Variants in PREX2 observed in about 807,000 individuals in gnomAD.
PREX2 encodes phosphatidylinositol 3,4,5-trisphosphate-dependent Rac exchanger 2 protein.
Under a neutral mutation model 203.2 loss-of-function variants are expected in PREX2, and 107 were observed. The ratio of observed to expected loss-of-function variants is 0.53; its 90% confidence interval spans 0.45 to 0.62. PREX2 has a LOEUF of 0.62. Ranked by LOEUF, PREX2 falls within the 20% of genes least tolerant of loss-of-function variation. PREX2 has a pLI of 0.00. For missense variants in PREX2, 1,777 were observed against 1,955.9 expected, an observed-to-expected ratio of 0.91 and a Z score of 1.72; for synonymous variants, 672 against 663.6, an observed-to-expected ratio of 1.01 and a Z score of -0.19.
chr8:67,971,219 G>A (rs4737870), intron 1 of PREX2, among the ~76,000 whole-genome samples: 33,536 of 152,000 alleles, frequency 0.22, 4,788 homozygotes, highest in East Asian at 0.54. Context: ...AGAAAGCGTC[G>A]TCTGGGAGGC....
intron 9 of PREX2, among the ~76,000 whole-genome samples, chr8:68,054,440 A>G (rs1175471831): frequency 6.6e-6 from 1 of 152,042 alleles, no homozygotes; most frequent in Admixed American, 6.6e-5. Context: ...CTTTATCTTT[A>G]TATTTATCTT....
chr8:68,190,564 CTT>C (rs757686498), intron 35 of PREX2, among the ~76,000 whole-genome samples: 9 of 152,024 alleles, frequency 5.9e-5, no homozygotes, highest in Non-Finnish European at 1.2e-4. Flanking sequence ...GCAATACACA[CTT>C]TTCACAACCC....
intron 1 of PREX2, among the ~76,000 whole-genome samples, chr8:68,011,304 G>A (rs1321667477): frequency 6.6e-6 from 1 of 151,932 alleles, no homozygotes; most frequent in African/African-American, 2.4e-5. Flanking sequence ...ACTCTGGAAT[G>A]ATCAGTATTA....
chr8:68,026,965 A>G (rs1041478765), intron 4 of PREX2, among the ~76,000 whole-genome samples: 1 of 151,870 alleles, frequency 6.6e-6, no homozygotes, highest in Non-Finnish European at 1.5e-5. Context: ...TCTCTTTCCC[A>G]TCTCTTTTTC....
chr8:67,975,780 T>C (rs939911137), intron 1 of PREX2, among the ~76,000 whole-genome samples: 2 of 129,698 alleles, frequency 1.5e-5, no homozygotes, highest in Non-Finnish European at 3.1e-5. Context: ...CTCAGCTCAC[T>C]GGAATCTCCG....
At chr8:68,019,481 C>G (rs564261746) in intron 2 of PREX2, 68 bp from the exon 3 acceptor site, 1 of 1,281,408 alleles carries the variant, frequency 7.8e-7, no homozygotes, top group East Asian at 2.5e-5. Flanking sequence ...AGAGAGAATA[C>G]TATGCTATCA....
chr8:67,952,433 C>T lies in PREX2; in HGVS notation c.39C>T (p.Ser13=). 6.3e-7 allele frequency: 1 copy of T among 1,584,080 alleles called. No homozygotes were observed. Among genetic ancestry groups the T allele is most frequent in the Non-Finnish European group, 8.6e-7 (1 of 1,166,108 alleles). Residue 13 remains serine, a synonymous_variant, in exon 1 of 40, where the codon AGC becomes AGT. Transcript: ENST00000288368. ...EDSRGDSRAE[S]AKDLEKQLRL... is the part of the protein sequence containing the mutation. Reference sequence around the variant, plus strand: ...GCCGCGGAGACAGCCGCGCCGAGAGCGCCAAGGACCTGGAGAAGCAGCTTC... The same window carrying T: ...GCCGCGGAGACAGCCGCGCCGAGAGTGCCAAGGACCTGGAGAAGCAGCTTC...
In PREX2 at chr8:68,049,932, A is replaced by G. The variant is rs1808474605; in HGVS notation, c.944-3165A>G. Reference sequence around the variant, plus strand: ...CTATTATATGTCACTGTATCTTTTGAAAAAAATGAGAAGCAATTGCTTATT... The same window carrying G: ...CTATTATATGTCACTGTATCTTTTGGAAAAAATGAGAAGCAATTGCTTATT... On this transcript the variant is annotated intron_variant, in intron 8 of 39. Transcript: ENST00000288368. Among the ~76,000 whole-genome samples, 7 of 152,020 alleles carry G rather than the reference A, an allele frequency of 4.6e-5. 1 individual carries two copies. The South Asian group carries it at 1.5e-3, about 32-fold the overall frequency.
chr8:68,228,847 T>C (rs1813105949), intron 39 of PREX2, among the ~76,000 whole-genome samples: 1 of 146,778 alleles, frequency 6.8e-6, no homozygotes, highest in South Asian at 2.1e-4. Context: ...AGGAGACAGA[T>C]GGAAGGATAG....
At chr8:68,122,266 G>A (rs2129613148) in intron 30 of PREX2, among the ~76,000 whole-genome samples, 1 of 152,124 alleles carries the variant, frequency 6.6e-6, no homozygotes, top group South Asian at 2.1e-4. Context: ...TACAGATATG[G>A]AATACTTCCC....
chr8:68,097,245 A>G (rs1340193196), intron 22 of PREX2, 44 bp downstream of exon 22: 1 of 1,503,364 alleles, frequency 6.7e-7, no homozygotes, highest in African/African-American at 1.4e-5. Flanking sequence ...TTCTAAATAA[A>G]GGAACTGAAA....
At chr8:68,163,244 T>G (rs1250918075) in intron 35 of PREX2, among the ~76,000 whole-genome samples, 2 of 152,234 alleles carry the variant, frequency 1.3e-5, no homozygotes, top group South Asian at 2.1e-4. Context: ...GATAAAACTC[T>G]CTAGTTTAAA....
chr8:68,071,667 C>G (rs991670183), intron 13 of PREX2, among the ~76,000 whole-genome samples: 7 of 152,122 alleles, frequency 4.6e-5, no homozygotes, highest in African/African-American at 1.4e-4. Flanking sequence ...TTTCTCAGTT[C>G]TGGGAAATCT....
chr8:68,151,053 C>A (rs950592365), intron 34 of PREX2, among the ~76,000 whole-genome samples: 2 of 152,130 alleles, frequency 1.3e-5, no homozygotes, highest in Non-Finnish European at 2.9e-5. Flanking sequence ...GGGCACCAAT[C>A]ATTGGATTTG....
In PREX2 at chr8:68,233,100, T is replaced by C. The variant is rs768887986; in HGVS notation, c.*1722T>C. 2 of 152,180 alleles carry C rather than the reference T, an allele frequency of 1.3e-5. No individual in the cohort carries two copies. The highest frequency in any genetic ancestry group is 2.9e-5 in the Non-Finnish European group (2 of 68,032). 9.4% of individuals were successfully genotyped at this position (152,180 alleles called of 1,614,324 possible). ...GGCACAGAAGCTCTAGAGACTTTTGTGAGAAGTCCATATACAATGAAAAAC... is the reference window on the plus strand; with the variant it reads ...GGCACAGAAGCTCTAGAGACTTTTGCGAGAAGTCCATATACAATGAAAAAC... On this transcript the variant is annotated 3_prime_UTR_variant, in exon 40 of 40. Coordinates refer to ENST00000288368, the MANE Select transcript of PREX2 (RefSeq NM_024870.4).
intron 35 of PREX2, among the ~76,000 whole-genome samples, chr8:68,165,098 C>T (rs1158999682): frequency 6.6e-6 from 1 of 150,576 alleles, no homozygotes; most frequent in African/African-American, 2.4e-5. Flanking sequence ...GCTGGGTATT[C>T]AAAGCAGCCT....
chr8:67,997,441 G>A (rs58067469), intron 1 of PREX2, among the ~76,000 whole-genome samples: 10,817 of 152,188 alleles, frequency 0.071, 1,220 homozygotes, highest in African/African-American at 0.24. Flanking sequence ...AAATAGAACA[G>A]TTATACTAGG....
chr8:68,100,205 A>G (rs1314720562), intron 23 of PREX2: 2 of 461,310 alleles, frequency 4.3e-6, no homozygotes, highest in Non-Finnish European at 8.7e-6. Flanking sequence ...CAACTAAGAG[A>G]ATGAAAACTC....
intron 14 of PREX2, among the ~76,000 whole-genome samples, chr8:68,076,192 C>G (rs551908001): frequency 6.6e-6 from 1 of 152,198 alleles, no homozygotes; most frequent in East Asian, 1.9e-4. Context: ...CACAGTGGTT[C>G]ACGCCTGTAA....
Sources: allele counts gnomAD v4.1 joint callset (sites outside exome capture counted in the v4.1 genomes callset), GRCh38; gene constraint gnomAD v4.1.1; transcripts MANE v1.5; gene names NCBI Gene and HGNC (gene_info 2026-07-23, HGNC 2026-07-21).